Variants in IPO11 observed in about 807,000 individuals in gnomAD.
The protein encoded by IPO11 is importin 11, also known as importin-11.
In IPO11, 66 loss-of-function variants were observed where a neutral mutation model predicts 143.2. That is an observed-to-expected ratio of 0.46 (90% CI 0.38 to 0.57). The LOEUF is 0.57. IPO11 is among the 20% of genes least tolerant of loss of function. IPO11 has a pLI of 0.00. For synonymous variants in IPO11, 385 were observed against 377.8 expected (o/e 1.02, Z -0.22); for missense variants, 1,026 against 1,141.0 (o/e 0.90, Z 1.45).
intron 24 of IPO11, among the ~76,000 whole-genome samples, chr5:62,539,358 T>G (rs1169074194): frequency 3.3e-5 from 5 of 152,218 alleles, no homozygotes; most frequent in Non-Finnish European, 5.9e-5. Context: ...GTTCTCCTGG[T>G]ATCTGTCTGT....
At chr5:62,594,130 C>T (rs1745130371) in intron 28 of IPO11, among the ~76,000 whole-genome samples, 1 of 152,152 alleles carries the variant, frequency 6.6e-6, no homozygotes, top group South Asian at 2.1e-4. Flanking sequence ...ATTTCCTTCA[C>T]CTACATCAGT....
intron 27 of IPO11, among the ~76,000 whole-genome samples, chr5:62,582,903 T>C (rs1744621500): frequency 6.6e-6 from 1 of 152,172 alleles, no homozygotes; most frequent in Admixed American, 6.6e-5. Context: ...TTTTTCTTAA[T>C]ATATTTGAGA....
intron 20 of IPO11, among the ~76,000 whole-genome samples, chr5:62,518,859 G>A (rs1209368363): frequency 3.3e-5 from 5 of 152,172 alleles, no homozygotes; most frequent in African/African-American, 1.2e-4. Flanking sequence ...CATTTATTGA[G>A]AACCTGCAAT....
At chr5:62,529,383 T>C (rs1372017964) in intron 21 of IPO11, among the ~76,000 whole-genome samples, 1 of 152,168 alleles carries the variant, frequency 6.6e-6, no homozygotes, top group African/African-American at 2.4e-5. Context: ...AAAAAACCTT[T>C]CTTTTAAAAG....
chr5:62,490,306 A>C, intron 15 of IPO11, 86 bp downstream of exon 15: 1 of 805,042 alleles, frequency 1.2e-6, no homozygotes, highest in Non-Finnish European at 1.8e-6. Flanking sequence ...AAAATGGCTT[A>C]CAATTTAAAA....
intron 24 of IPO11, among the ~76,000 whole-genome samples, chr5:62,540,133 C>T (rs1742879816): frequency 6.6e-6 from 1 of 152,066 alleles, no homozygotes; most frequent in Non-Finnish European, 1.5e-5. Context: ...ACTTGAAAGA[C>T]AAGGAATCCA....
intron 1 of IPO11, among the ~76,000 whole-genome samples, chr5:62,419,993 ACT>A (rs1277691994): frequency 1.3e-5 from 2 of 151,898 alleles, no homozygotes; most frequent in Non-Finnish European, 2.9e-5. Flanking sequence ...AGAGATCGTA[ACT>A]CTTAAAAAAA....
chr5:62,459,326 A>G (rs906271236), intron 5 of IPO11, among the ~76,000 whole-genome samples: 2 of 152,142 alleles, frequency 1.3e-5, no homozygotes, highest in Admixed American at 6.5e-5. Flanking sequence ...AACAAATGCT[A>G]TAGGTCTTTA....
At chr5:62,557,965 G>T (rs1274788084) in intron 26 of IPO11, among the ~76,000 whole-genome samples, 1 of 151,816 alleles carries the variant, frequency 6.6e-6, no homozygotes, top group African/African-American at 2.4e-5. Flanking sequence ...TTTTTCATTT[G>T]TTGAGCTAGA....
intron 19 of IPO11, among the ~76,000 whole-genome samples, chr5:62,513,675 GCCGGGCGGGGGGCTGAGCCCCCCACCC>G (rs1388385425): frequency 1.4e-5 from 2 of 145,298 alleles, no homozygotes; most frequent in Non-Finnish European, 3.0e-5. Flanking sequence ...AGGGCGGTTG[GCCGGGCGGGGGGCTGAGCCCCCCACCC>G]CCGGACGGGG....
intron 28 of IPO11, chr5:62,601,433 G>T (rs1015013974): frequency 6.0e-6 from 1 of 165,832 alleles, no homozygotes; most frequent in African/African-American, 2.4e-5. Flanking sequence ...AAGAGTTTAT[G>T]TCATTTTTAA....
At chr5:62,575,575 C>T (rs1351761634) in intron 27 of IPO11, among the ~76,000 whole-genome samples, 4 of 152,042 alleles carry the variant, frequency 2.6e-5, no homozygotes, top group African/African-American at 4.8e-5. Context: ...CCATCCTCTC[C>T]CCACCTCCCC....
chr5:62,590,012 A>G (rs573194747), intron 27 of IPO11, among the ~76,000 whole-genome samples: 1 of 152,306 alleles, frequency 6.6e-6, no homozygotes, highest in South Asian at 2.1e-4. Flanking sequence ...GTCTCCAGTC[A>G]AGCCTGGAGC....
At chr5:62,455,016 T>G (rs1307709515) in intron 5 of IPO11, among the ~76,000 whole-genome samples, 1 of 152,166 alleles carries the variant, frequency 6.6e-6, no homozygotes, top group Non-Finnish European at 1.5e-5. Context: ...GGGACTAAAG[T>G]AGGGACTAGG....
chr5:62,504,963 A>G (rs998817546), intron 18 of IPO11, 65 bp downstream of exon 18: 3 of 871,664 alleles, frequency 3.4e-6, no homozygotes, highest in African/African-American at 1.7e-5. Context: ...TTTGAATACT[A>G]TTTTATACAT....
chr5:62,579,986 G>A (rs774910601), intron 27 of IPO11: 19 of 1,551,004 alleles, frequency 1.2e-5, no homozygotes, highest in South Asian at 4.8e-5. Flanking sequence ...GTTGCTCTTC[G>A]GATACTTGAT....
chr5:62,479,339 G>A (rs1035253384), intron 9 of IPO11, among the ~76,000 whole-genome samples: 3 of 152,114 alleles, frequency 2.0e-5, no homozygotes, highest in Admixed American at 1.3e-4. Context: ...GTCTATCGTT[G>A]ATGGACATTT....
At chr5:62,480,905 C>CCT (rs1561328227) in intron 9 of IPO11, among the ~76,000 whole-genome samples, 1 of 109,066 alleles carries the variant, frequency 9.2e-6, no homozygotes, top group Non-Finnish European at 1.8e-5. Flanking sequence ...CTTCCTCTTT[C>CCT]ATTTTTTTTT....
chr5:62,468,379 G>C (rs1359394535), intron 6 of IPO11, among the ~76,000 whole-genome samples: 2 of 152,178 alleles, frequency 1.3e-5, no homozygotes, highest in South Asian at 2.1e-4. Context: ...ACTTTCACCA[G>C]ACAATGGATG....
Sources: allele counts gnomAD v4.1 joint callset (sites outside exome capture counted in the v4.1 genomes callset), GRCh38; gene constraint gnomAD v4.1.1; transcripts MANE v1.5; gene names NCBI Gene and HGNC (gene_info 2026-07-23, HGNC 2026-07-21).